Variants in LRP1B observed in about 807,000 individuals in gnomAD.
LRP1B encodes LDL receptor related protein 1B.
Under a neutral mutation model 556.6 loss-of-function variants are expected in LRP1B, and 217 were observed. The observed-to-expected ratio is 0.39, with a 90% CI of 0.35 to 0.44. LRP1B has a LOEUF of 0.44. LRP1B is among the 20% of genes least tolerant of loss of function. The probability of loss-of-function intolerance (pLI) is 1.00; values close to 1 mark genes in which losing one functional copy is unlikely to be tolerated. For synonymous variants in LRP1B, 2,047 were observed against 1,865.8 expected (o/e 1.10, Z -2.50); for missense variants, 5,053 against 5,620.8 (o/e 0.90, Z 3.23).
At chr2:140,961,420 C>G (rs1696030208) in intron 18 of LRP1B, among the ~76,000 whole-genome samples, 1 of 151,550 alleles carries the variant, frequency 6.6e-6, no homozygotes, top group Non-Finnish European at 1.5e-5. Flanking sequence ...TTTTCTCCTA[C>G]CACAATGAAA....
At chr2:141,142,688 G>C (rs1479151847) in intron 7 of LRP1B, among the ~76,000 whole-genome samples, 1 of 151,754 alleles carries the variant, frequency 6.6e-6, no homozygotes, top group East Asian at 1.9e-4. Context: ...GTCAAGACAG[G>C]GATTAATCAT....
chr2:142,114,430 AG>A (rs1707111848), intron 1 of LRP1B, among the ~76,000 whole-genome samples: 1 of 152,174 alleles, frequency 6.6e-6, no homozygotes, highest in South Asian at 2.1e-4. Context: ...TATATCTAAA[AG>A]AAAAGAAATC....
chr2:141,352,015 T>C lies in LRP1B; in HGVS notation c.344-97374A>G, dbSNP rs997649889. On this transcript the variant is annotated intron_variant, in intron 3 of 90. Transcript: ENST00000389484. Reference sequence around the variant, plus strand: ...TGAAAGTGTAAAGTGTTTATTACCATGGAGAAAAGACTTTTGAAGAAAATG... The same window carrying C: ...TGAAAGTGTAAAGTGTTTATTACCACGGAGAAAAGACTTTTGAAGAAAATG... Among the ~76,000 whole-genome samples, 5 of 151,846 alleles carry C rather than the reference T, an allele frequency of 3.3e-5. 1 individual carries two copies. Among genetic ancestry groups the C allele is most frequent in the African/African-American group, 9.7e-5 (4 of 41,326 alleles).
intron 2 of LRP1B, among the ~76,000 whole-genome samples, chr2:141,674,313 T>A (rs1371175504): frequency 1.3e-5 from 2 of 152,090 alleles, no homozygotes; most frequent in African/African-American, 4.8e-5. Context: ...ATAATCATTT[T>A]AAGACTTGCC....
At chr2:141,086,989 T>C (rs1303320553) in intron 7 of LRP1B, among the ~76,000 whole-genome samples, 1 of 152,084 alleles carries the variant, frequency 6.6e-6, no homozygotes, top group African/African-American at 2.4e-5. Flanking sequence ...AGAAAAAAAG[T>C]GTTTGCAGAA....
chr2:140,910,738 A>G (rs1275528212), intron 21 of LRP1B, among the ~76,000 whole-genome samples: 1 of 151,838 alleles, frequency 6.6e-6, no homozygotes, highest in Non-Finnish European at 1.5e-5. Flanking sequence ...TAAAATAACT[A>G]GTTGACATCC....
intron 3 of LRP1B, among the ~76,000 whole-genome samples, chr2:141,457,408 G>A (rs190055016): frequency 4.6e-5 from 7 of 152,188 alleles, no homozygotes; most frequent in East Asian, 3.9e-4. Flanking sequence ...AGACAGGGAG[G>A]GCAACAACAC....
chr2:142,118,946 G>C (rs1048748369), intron 1 of LRP1B, among the ~76,000 whole-genome samples: 5 of 152,014 alleles, frequency 3.3e-5, no homozygotes, highest in Admixed American at 3.3e-4. Context: ...TTGAAATTTT[G>C]GAGCCAAATT....
chr2:140,908,917 A>G (rs1329109151), intron 21 of LRP1B, among the ~76,000 whole-genome samples: 3 of 152,148 alleles, frequency 2.0e-5, no homozygotes, highest in East Asian at 3.9e-4. Context: ...CTCCTGCCTC[A>G]GCCTCCCAAG....
chr2:140,945,407 C>A (rs1430798699), intron 20 of LRP1B, among the ~76,000 whole-genome samples: 1 of 152,074 alleles, frequency 6.6e-6, no homozygotes, highest in Non-Finnish European at 1.5e-5. Context: ...CCAAAGCAAC[C>A]CTAAGCAAAA....
At chr2:141,188,316 G>T in intron 7 of LRP1B, 105 bp downstream of exon 7, 1 of 1,091,288 alleles carries the variant, frequency 9.2e-7, no homozygotes, top group Non-Finnish European at 1.3e-6. Context: ...TTTCTAAAAA[G>T]TTTGAGTCTG....
intron 1 of LRP1B, among the ~76,000 whole-genome samples, chr2:141,863,652 A>C (rs1698320257): frequency 1.3e-5 from 2 of 152,218 alleles, no homozygotes; most frequent in African/African-American, 4.8e-5. Flanking sequence ...TAAAAACAGC[A>C]TGACTATGTA....
At chr2:141,275,639 G>C (rs1685257418) in intron 3 of LRP1B, among the ~76,000 whole-genome samples, 1 of 152,168 alleles carries the variant, frequency 6.6e-6, no homozygotes, top group Non-Finnish European at 1.5e-5. Context: ...CTTAAGCCCA[G>C]AAGGTTGACG....
intron 6 of LRP1B, among the ~76,000 whole-genome samples, chr2:141,220,024 C>T (rs1682970344): frequency 6.6e-6 from 1 of 152,076 alleles, no homozygotes; most frequent in Admixed American, 6.5e-5. Context: ...GCCTCTTCTC[C>T]TCCAAATGAT....
intron 2 of LRP1B, among the ~76,000 whole-genome samples, chr2:141,771,865 C>T (rs1458895590): frequency 2.0e-5 from 3 of 152,148 alleles, no homozygotes; most frequent in Non-Finnish European, 2.9e-5. Context: ...GTTGCCCAGG[C>T]TGGAGTGCAG....
intron 2 of LRP1B, among the ~76,000 whole-genome samples, chr2:141,488,633 AT>A (rs199569677): frequency 5.8e-4 from 88 of 151,488 alleles, no homozygotes; most frequent in African/African-American, 2.1e-3. Context: ...TAATTCTTTT[AT>A]TTTTTTTGTA....
intron 83 of LRP1B, among the ~76,000 whole-genome samples, chr2:140,311,147 C>T (rs1339882436): frequency 6.6e-6 from 1 of 151,648 alleles, no homozygotes; most frequent in Non-Finnish European, 1.5e-5. Flanking sequence ...ATAAAACTAC[C>T]ATTTGATACA....
At chr2:141,830,059 A>C (rs569966693) in intron 1 of LRP1B, among the ~76,000 whole-genome samples, 1 of 152,098 alleles carries the variant, frequency 6.6e-6, no homozygotes, top group African/African-American at 2.4e-5. Context: ...TGTGCAGAGA[A>C]GACTAAAAGT....
At chr2:141,316,299 C>T (rs1320949910) in intron 3 of LRP1B, among the ~76,000 whole-genome samples, 2 of 152,120 alleles carry the variant, frequency 1.3e-5, no homozygotes, top group East Asian at 1.9e-4. Flanking sequence ...GGCTTGATTG[C>T]CCTGTCATTT....
Sources: allele counts gnomAD v4.1 joint callset (sites outside exome capture counted in the v4.1 genomes callset), GRCh38; gene constraint gnomAD v4.1.1; transcripts MANE v1.5; gene names NCBI Gene and HGNC (gene_info 2026-07-23, HGNC 2026-07-21).